The following G3BP2 variants were observed in gnomAD, a reference collection of about 807,000 sequenced individuals.
G3BP2 encodes the protein ras GTPase-activating protein-binding protein 2.
G3BP2 carries 11 observed loss-of-function variants against 56.7 expected under a neutral mutation model. The observed-to-expected ratio is 0.19, with a 90% confidence interval of 0.12 to 0.32. The LOEUF (loss-of-function observed/expected upper bound fraction) is 0.32, where lower values mean the gene tolerates loss of function less well. Among genes scored for constraint, G3BP2 ranks in the 10% least tolerant of loss-of-function variants. The pLI is 1.00. For synonymous variants in G3BP2, 165 were observed against 191.6 expected (o/e 0.86, Z 1.15); for missense variants, 340 against 610.9 (o/e 0.56, Z 4.67).
rs1367693028 is a variant in G3BP2 at position 75,673,350 on chromosome 4, T to A, written c.-167A>T. 1.6e-6 allele frequency: 2 copies of A among 1,231,198 alleles called. No homozygotes were observed. The highest frequency in any genetic ancestry group is 3.1e-5 in the African/African-American group (2 of 64,400). 76.3% of individuals were successfully genotyped at this position (1,231,198 alleles called of 1,614,324 possible). A position where few individuals can be genotyped will look rare whatever the true frequency, so the allele number is the denominator to read the frequency against. ...GAAGCCGGAGAGCCGCGAGTTCGTC[T>A]GCCTCACAACCACCTCTTCCCGGGC... On this transcript the variant is annotated 5_prime_UTR_variant, in exon 1 of 12. Transcript: ENST00000359707.
chr4:75,705,482 G>C (rs1458377836), intron 3 of G3BP2, among the ~76,000 whole-genome samples: 1 of 152,234 alleles, frequency 6.6e-6, no homozygotes, highest in Non-Finnish European at 1.5e-5. Flanking sequence ...GTGGTGATCA[G>C]ATGTAAAGCT....
intron 1 of G3BP2, chr4:75,670,558 A>G (rs1389325390): frequency 1.3e-5 from 2 of 152,216 alleles, no homozygotes; most frequent in African/African-American, 4.8e-5. Flanking sequence ...AAAATTCAGA[A>G]GCTATTAAAA....
At chr4:75,673,970 C>T (rs745418915), upstream of G3BP2, 1 of 154,292 alleles carries the variant, frequency 6.5e-6, no homozygotes, top group Non-Finnish European at 1.4e-5. Flanking sequence ...GTGGGCTTTA[C>T]AGAGGGGGAA....
chr4:75,697,597 T>C (rs142900417), intron 3 of G3BP2, among the ~76,000 whole-genome samples: 93 of 152,228 alleles, frequency 6.1e-4, no homozygotes, highest in Non-Finnish European at 1.1e-3. Flanking sequence ...TATTTCAATA[T>C]GCAGCTAACA....
chr4:75,674,447 C>A (rs1459709684), upstream of G3BP2, among the ~76,000 whole-genome samples: 1 of 151,856 alleles, frequency 6.6e-6, no homozygotes, highest in East Asian at 1.9e-4. Flanking sequence ...GAGGCAATGC[C>A]AACATTAGGG....
chr4:75,657,321 TA>T (rs977094666), intron 4 of G3BP2, among the ~76,000 whole-genome samples: 2 of 152,252 alleles, frequency 1.3e-5, no homozygotes, highest in Non-Finnish European at 2.9e-5. Flanking sequence ...TATACCAATA[TA>T]TTTTTTGTAT....
At chr4:75,702,171 A>ATT (rs57529973) in intron 3 of G3BP2, among the ~76,000 whole-genome samples, 51,199 of 107,350 alleles carry the variant, frequency 0.48, 12,531 homozygotes, top group East Asian at 0.71. Flanking sequence ...AAACCCCCCA[A>ATT]TTTTTTTTTT....
At chr4:75,722,993 G>A (rs1221961300) in intron 1 of G3BP2, among the ~76,000 whole-genome samples, 1 of 152,154 alleles carries the variant, frequency 6.6e-6, no homozygotes, top group African/African-American at 2.4e-5. Context: ...GTTTGGTTTA[G>A]CAAGCATTTA....
intron 9 of G3BP2, among the ~76,000 whole-genome samples, chr4:75,647,642 T>C (rs890704275): frequency 2.0e-5 from 3 of 152,204 alleles, no homozygotes; most frequent in African/African-American, 7.2e-5. Flanking sequence ...CATAAAATCT[T>C]ATTTGATTCT....
intron 1 of G3BP2, among the ~76,000 whole-genome samples, chr4:75,663,566 G>T (rs1732738580): frequency 6.6e-6 from 1 of 152,038 alleles, no homozygotes; most frequent in Non-Finnish European, 1.5e-5. Context: ...TTTACTGTAG[G>T]AATATAATCC....
At chr4:75,710,517 C>T (rs923778772) in intron 3 of G3BP2, among the ~76,000 whole-genome samples, 17 of 152,170 alleles carry the variant, frequency 1.1e-4, no homozygotes, top group Non-Finnish European at 2.9e-5. Context: ...CTTTCTCCCA[C>T]AAGAATACAA....
chr4:75,701,073 C>T (rs1033643204), intron 3 of G3BP2, among the ~76,000 whole-genome samples: 13 of 151,694 alleles, frequency 8.6e-5, no homozygotes, highest in African/African-American at 2.9e-4. Flanking sequence ...AAACTCCTGA[C>T]CTCAGGTGAT....
At chr4:75,674,499 G>T (rs1733753699), upstream of G3BP2, among the ~76,000 whole-genome samples, 1 of 151,818 alleles carries the variant, frequency 6.6e-6, no homozygotes, top group Non-Finnish European at 1.5e-5. Context: ...ACTGCTTAAA[G>T]ATACTGTTAT....
At chr4:75,660,989 T>C (rs1453136133) in intron 2 of G3BP2, among the ~76,000 whole-genome samples, 1 of 152,214 alleles carries the variant, frequency 6.6e-6, no homozygotes, top group Admixed American at 6.5e-5. Context: ...GAATACTATT[T>C]TACAGATTAG....
chr4:75,709,438 A>AAC lies in G3BP2; in HGVS notation c.-25+11438_-25+11439insGT, dbSNP rs1719673607. Among the ~76,000 whole-genome samples, 5 of 150,828 alleles carry AAC rather than the reference A, an allele frequency of 3.3e-5. No individual in the cohort carries two copies. In the South Asian group the frequency reaches 1.0e-3, roughly 32 times the overall value. On this transcript the variant is annotated intron_variant, in intron 3 of 3. Coordinates refer to the G3BP2 transcript ENST00000499709. ...CCGTCTCAAAAAAAAAAAAAAAAAAAAAAACCTACTACGAAAAAAACCGAC... is the reference window on the plus strand; with the variant it reads ...CCGTCTCAAAAAAAAAAAAAAAAAAAACAAAACCTACTACGAAAAAAACCGAC...
At position 75,694,090 on chromosome 4, in the gene G3BP2, G is replaced by C. The variant is rs796513465; in HGVS notation, c.-25+26787C>G. Among the ~76,000 whole-genome samples, 24 of 152,234 alleles carry C rather than the reference G, an allele frequency of 1.6e-4. 1 individual carries two copies. Among genetic ancestry groups the C allele is most frequent in the African/African-American group, 5.3e-4 (22 of 41,548 alleles). ...AAAGAGACAGGGCTTCCCTAAACTAGATGTTCAGTAACTATTTAGTAAATG... is the reference window on the plus strand; with the variant it reads ...AAAGAGACAGGGCTTCCCTAAACTACATGTTCAGTAACTATTTAGTAAATG... On this transcript the variant is annotated intron_variant, in intron 3 of 3. Transcript: ENST00000499709.
Position 75,646,446 on chromosome 4 carries a change from G to A in G3BP2, c.1068C>T (p.Asn356=), listed in dbSNP as rs376800043. The A allele has an allele frequency of 2.5e-6, 4 of 1,598,924 alleles. No individual in the cohort carries two copies. The highest frequency in any genetic ancestry group is 1.3e-5 in the African/African-American group (1 of 74,516). The change falls in exon 11 of 12, where the codon AAC becomes AAT. Residue 356 remains asparagine, a synonymous_variant. Transcript: ENST00000359707. ...ELKEFFMSFG[N]VVELRINTKG... ...TGGTATTGATGCGAAGTTCCACAAC[G>A]TTTCCAAAACCTGTGAAAATATACA...
At chr4:75,656,336 C>A (rs1732112743) in intron 5 of G3BP2, among the ~76,000 whole-genome samples, 1 of 151,716 alleles carries the variant, frequency 6.6e-6, no homozygotes, top group Admixed American at 6.6e-5. Flanking sequence ...ACTACAATAT[C>A]CCCTGTTCTC....
At chr4:75,655,921 T>C (rs1732064285) in intron 5 of G3BP2, 51 bp from the exon 6 acceptor site, 1 of 936,750 alleles carries the variant, frequency 1.1e-6, no homozygotes, top group Non-Finnish European at 1.8e-6. Flanking sequence ...TCACAATTTC[T>C]AACGGACATA....
Sources: gnomAD v4.1 joint callset for allele counts (sites outside exome capture counted in the v4.1 genomes callset) on GRCh38, gnomAD v4.1.1 for gene constraint, MANE v1.5 for transcripts, NCBI Gene and HGNC (gene_info 2026-07-23, HGNC 2026-07-21) for gene names.